TXNDC16: variants seen among roughly 807,000 people sequenced by gnomAD.
TXNDC16 encodes thioredoxin domain containing 16, also known as thioredoxin domain-containing protein 16.
TXNDC16 carries 74 observed loss-of-function variants against 85.6 expected under a neutral mutation model. The observed-to-expected ratio is 0.86, with a 90% CI of 0.72 to 1.05. The LOEUF (loss-of-function observed/expected upper bound fraction) is 1.05. Among genes scored for constraint, TXNDC16 ranks in the 50% least tolerant of loss-of-function variants. The pLI, the probability that TXNDC16 is intolerant of heterozygous loss-of-function variation, is 0.00. For missense variants in TXNDC16, 959 were observed against 947.0 expected (o/e 1.01, Z -0.17); for synonymous variants, 335 against 326.5 (o/e 1.03, Z -0.28).
intron 20 of TXNDC16, among the ~76,000 whole-genome samples, chr14:52,434,837 G>A (rs951832282): frequency 7.2e-5 from 11 of 152,186 alleles, no homozygotes; most frequent in Admixed American, 2.0e-4. Flanking sequence ...GAGGCTACAG[G>A]ATTAATTTAA....
chr14:52,529,237 A>G (rs1384140662), intron 6 of TXNDC16, among the ~76,000 whole-genome samples: 1 of 149,780 alleles, frequency 6.7e-6, no homozygotes, highest in Non-Finnish European at 1.5e-5. Context: ...ACAAAAAACC[A>G]AACACCGCAT....
chr14:52,515,836 A>G (rs2037071160), intron 7 of TXNDC16, among the ~76,000 whole-genome samples: 2 of 151,354 alleles, frequency 1.3e-5, no homozygotes, highest in South Asian at 4.2e-4. Context: ...TCCCATCCCA[A>G]CTCTCCCAAT....
At chr14:52,537,791 TG>T (rs2140223749) in intron 4 of TXNDC16, 119 bp from the exon 5 acceptor site, 1 of 621,402 alleles carries the variant, frequency 1.6e-6, no homozygotes, top group Non-Finnish European at 2.8e-6. Context: ...TTGTATTTTA[TG>T]TTTTTTTCTG....
At chr14:52,482,196 C>A in intron 14 of TXNDC16, 34 bp downstream of exon 14, 1 of 1,536,416 alleles carries the variant, frequency 6.5e-7, no homozygotes, top group South Asian at 1.3e-5. Flanking sequence ...AGCTTAGAAT[C>A]AGAATAATAA....
intron 9 of TXNDC16, among the ~76,000 whole-genome samples, chr14:52,492,490 A>T (rs1472645228): frequency 6.6e-6 from 1 of 152,174 alleles, no homozygotes; most frequent in Non-Finnish European, 1.5e-5. Flanking sequence ...TCTCCCAGAC[A>T]AGACTCAACC....
rs562485892 is a variant in TXNDC16, at chr14:52,551,499, A to T, written c.-182+817T>A. 4.6e-5 allele frequency among the ~76,000 whole-genome samples: 7 copies of T among 150,958 alleles called. No homozygotes were observed. The South Asian group carries it at 1.3e-3, about 27-fold the overall frequency. On this transcript the variant is annotated intron_variant, in intron 1 of 20. Coordinates refer to ENST00000281741, the MANE Select transcript of TXNDC16 (RefSeq NM_020784.3). ...GGAAAAAAAAAAAAAAAAGCATAGG[A>T]CAAAGGATGGTGAGGTAAGAAAAGC... is the stretch of plus-strand genomic sequence containing the variant.
Position 52,525,740 on chromosome 14 carries a change from ATAAT to A in TXNDC16, c.393-6451_393-6448del, listed in dbSNP as rs2037319145. Among the ~76,000 whole-genome samples, 21 of 110,536 alleles carry A rather than the reference ATAAT, an allele frequency of 1.9e-4. 1 individual carries two copies. Among genetic ancestry groups the A allele is most frequent in the Admixed American group, 1.7e-3 (18 of 10,482 alleles). The allele number at this position is 110,536 out of a possible 152,430, so 72.5% of individuals were successfully genotyped here. A position where few individuals can be genotyped will look rare whatever the true frequency, so the allele number is the denominator to read the frequency against. On this transcript the variant is annotated intron_variant, in intron 6 of 20. Transcript: ENST00000281741. ...AATAATAATAATAATAATAATAATAATAATAAATAAAAATTTGTTGTTACTTTCC... is the reference window on the plus strand; with the variant it reads ...AATAATAATAATAATAATAATAATAAAAATAAAAATTTGTTGTTACTTTCC...
intron 16 of TXNDC16, among the ~76,000 whole-genome samples, chr14:52,462,187 T>C (rs2035667872): frequency 6.6e-6 from 1 of 152,218 alleles, no homozygotes; most frequent in Non-Finnish European, 1.5e-5. Flanking sequence ...GTTTCTCTTT[T>C]ATTTTTTTAA....
chr14:52,430,771 C>T lies in TXNDC16; in HGVS notation c.*1533G>A, dbSNP rs2034873684. On this transcript the variant is annotated 3_prime_UTR_variant, in exon 21 of 21. Transcript: ENST00000281741. ...ATTACTACAACCTATATTTAGAGTT[C>T]ACTCTCATTGTTCCCATATTAGAAA... The T allele has an allele frequency of 6.6e-6, 1 of 152,132 alleles. No individual in the cohort carries two copies. Among genetic ancestry groups the T allele is most frequent in the African/African-American group, 2.4e-5 (1 of 41,416 alleles). The allele number at this position is 152,132 out of a possible 1,614,324, so 9.4% of individuals were successfully genotyped here. A position where few individuals can be genotyped will look rare whatever the true frequency, so the allele number is the denominator to read the frequency against.
chr14:52,526,905 C>T (rs547947191), intron 6 of TXNDC16, among the ~76,000 whole-genome samples: 35 of 148,220 alleles, frequency 2.4e-4, no homozygotes, highest in Non-Finnish European at 3.7e-4. Context: ...TCCATAAAAC[C>T]GCAAAGGGAG....
chr14:52,449,441 G>T (rs534044578), intron 18 of TXNDC16, among the ~76,000 whole-genome samples: 1 of 151,956 alleles, frequency 6.6e-6, no homozygotes, highest in Non-Finnish European at 1.5e-5. Flanking sequence ...GAGCACCCAG[G>T]TATATAAAGC....
chr14:52,439,857 A>T (rs2035125610), intron 19 of TXNDC16, among the ~76,000 whole-genome samples: 2 of 151,652 alleles, frequency 1.3e-5, no homozygotes, highest in Admixed American at 1.3e-4. Flanking sequence ...AAAGAAGTAG[A>T]AATAATTATG....
intron 14 of TXNDC16, among the ~76,000 whole-genome samples, chr14:52,471,932 A>G (rs897474503): frequency 2.0e-5 from 3 of 150,232 alleles, no homozygotes; most frequent in Non-Finnish European, 4.4e-5. Flanking sequence ...AAATTCTAAT[A>G]AAAGATAAAA....
chr14:52,547,570 C>T (rs991499635), intron 1 of TXNDC16, among the ~76,000 whole-genome samples: 7 of 152,202 alleles, frequency 4.6e-5, no homozygotes, highest in African/African-American at 7.2e-5. Context: ...GGGAACAGAA[C>T]TAGAGCCCTA....
Position 52,514,984 on chromosome 14 carries a change from A to C in TXNDC16, c.515-14T>G. 6.3e-7 allele frequency: 1 copy of C among 1,598,954 alleles called. No homozygotes were observed. Among genetic ancestry groups the C allele is most frequent in the Admixed American group, 1.7e-5 (1 of 58,024 alleles). ...CTGCTCTGTGCTCTGAAGAAGAGATAAAGGGAGTTGGAAGACAGGAAAAAA... is the reference window on the plus strand; with the variant it reads ...CTGCTCTGTGCTCTGAAGAAGAGATCAAGGGAGTTGGAAGACAGGAAAAAA... On this transcript the variant is annotated splice_polypyrimidine_tract_variant and intron_variant, in intron 7 of 20. Coordinates refer to ENST00000281741, the MANE Select transcript of TXNDC16 (RefSeq NM_020784.3).
chr14:52,470,621 T>G lies in TXNDC16; in HGVS notation c.1372A>C (p.Lys458Gln). ...ATAGGAAATTCAGTAACATTTTGCT[T>G]AGTACATACATCAGACCAATCTGCA... ...NCADWSDVCT[K>Q]QNVTEFPIIK... Residue 458 changes from lysine to glutamine, a missense_variant, in exon 15 of 21, where the codon AAG becomes CAG. Physicochemically the swap from Lys to Gln is moderately conservative, Grantham distance 53. Coordinates refer to ENST00000281741, the MANE Select transcript of TXNDC16 (RefSeq NM_020784.3). 3.1e-6 allele frequency: 5 copies of G among 1,614,040 alleles called. No homozygotes were observed. Among genetic ancestry groups the G allele is most frequent in the Non-Finnish European group, 3.4e-6 (4 of 1,179,964 alleles).
At chr14:52,456,868 G>T (rs1239240612) in intron 17 of TXNDC16, among the ~76,000 whole-genome samples, 1 of 152,066 alleles carries the variant, frequency 6.6e-6, no homozygotes, top group Non-Finnish European at 1.5e-5. Flanking sequence ...GGTGAAGTAC[G>T]AATCCAAGAC....
rs568761925 is a variant in TXNDC16, at chr14:52,431,838, A to T, written c.*466T>A. Reference sequence around the variant, plus strand: ...ATGCACTGTGGAGTTAACTGTGATTAGAGTTTAATTTTAATCCAAATAGAA... The same window carrying T: ...ATGCACTGTGGAGTTAACTGTGATTTGAGTTTAATTTTAATCCAAATAGAA... On this transcript the variant is annotated 3_prime_UTR_variant, in exon 21 of 21. Coordinates refer to ENST00000281741, the MANE Select transcript of TXNDC16 (RefSeq NM_020784.3). The T allele has an allele frequency of 1.3e-5, 2 of 152,644 alleles. No homozygotes were observed. 9.5% of individuals were successfully genotyped at this position (152,644 alleles called of 1,614,324 possible).
At position 52,439,159 on chromosome 14, in the gene TXNDC16, A is replaced by T. The variant is rs913336402; in HGVS notation, c.2194+45T>A. On this transcript the variant is annotated intron_variant, in intron 20 of 20. Coordinates refer to ENST00000281741, the MANE Select transcript of TXNDC16 (RefSeq NM_020784.3). ...TATATTTAGAGTTTAACATTTATGG[A>T]ACAAAATGCAGAACTACATGTATTA... is the stretch of plus-strand genomic sequence containing the variant. 5.8e-6 allele frequency: 9 copies of T among 1,554,864 alleles called. No homozygotes were observed. In the African/African-American group the frequency reaches 9.6e-5, roughly 17 times the overall value.
Sources: gnomAD v4.1 joint callset for allele counts (sites outside exome capture counted in the v4.1 genomes callset) on GRCh38, gnomAD v4.1.1 for gene constraint, MANE v1.5 for transcripts, NCBI Gene and HGNC (gene_info 2026-07-23, HGNC 2026-07-21) for gene names.